The following CD82 variants were observed in gnomAD, a reference collection of about 807,000 sequenced individuals.
CD82 encodes CD82 molecule, also known as CD82 antigen.
CD82 carries 36 observed loss-of-function variants against 37.4 expected under a neutral mutation model. The observed-to-expected ratio is 0.96, with a 90% CI of 0.74 to 1.27. The LOEUF (loss-of-function observed/expected upper bound fraction) is 1.27. Among genes scored for constraint, CD82 ranks in the 50% most tolerant of loss-of-function variants. The pLI, the probability that CD82 is intolerant of heterozygous loss-of-function variation, is 0.00. For synonymous variants in CD82, 158 were observed against 137.4 expected (o/e 1.15, Z -1.05); for missense variants, 340 against 347.0 (o/e 0.98, Z 0.16).
At chr11:44,592,198 G>C (rs1853155427) in intron 2 of CD82, among the ~76,000 whole-genome samples, 1 of 152,152 alleles carries the variant, frequency 6.6e-6, no homozygotes, top group African/African-American at 2.4e-5. Context: ...GAGCTGGAAA[G>C]TGTAGAAACC....
chr11:44,574,443 T>A (rs2134620836), intron 1 of CD82, among the ~76,000 whole-genome samples: 1 of 152,314 alleles, frequency 6.6e-6, no homozygotes, highest in East Asian at 1.9e-4. Context: ...TTGTTGGAAT[T>A]ACACACAATG....
At chr11:44,615,681 T>G (rs1853554478) in intron 7 of CD82, among the ~76,000 whole-genome samples, 1 of 152,102 alleles carries the variant, frequency 6.6e-6, no homozygotes, top group South Asian at 2.1e-4. Flanking sequence ...ACTCTGGGTT[T>G]TAGGAAACTG....
rs750639035 is a variant in CD82, at chr11:44,605,472, CA to C, written c.336+44del. ...TCCCTCTTCACTGGGCTGGACCAAC[CA>C]TGGGGGTGATTGACTGAGTGTGGGG... On this transcript the variant is annotated intron_variant, in intron 6 of 9. Coordinates refer to ENST00000227155, the MANE Select transcript of CD82 (RefSeq NM_002231.4). The C allele has an allele frequency of 8.3e-6, 13 of 1,563,570 alleles. No individual in the cohort carries two copies. In the South Asian group the frequency reaches 1.3e-4, roughly 16 times the overall value.
At chr11:44,611,286 C>G (rs891543072) in intron 6 of CD82, among the ~76,000 whole-genome samples, 5 of 152,206 alleles carry the variant, frequency 3.3e-5, no homozygotes, top group African/African-American at 9.7e-5. Context: ...CAGCTGGATC[C>G]CAAAGGCTGC....
At chr11:44,571,384 A>G (rs2082053) in intron 1 of CD82, among the ~76,000 whole-genome samples, 149,218 of 152,244 alleles carry the variant, frequency 0.98, 73,213 homozygotes, top group East Asian at 1. Flanking sequence ...CTTACCAGCT[A>G]GGCGTGACTT....
chr11:44,616,944 CCTTTT>C (rs1853573004), intron 7 of CD82, among the ~76,000 whole-genome samples: 1 of 152,176 alleles, frequency 6.6e-6, no homozygotes, highest in East Asian at 1.9e-4. Flanking sequence ...GAGGTGCCAG[CCTTTT>C]CTTGGAGAGA....
At chr11:44,607,408 T>TG (rs925193325) in intron 6 of CD82, among the ~76,000 whole-genome samples, 1 of 152,172 alleles carries the variant, frequency 6.6e-6, no homozygotes, top group African/African-American at 2.4e-5. Context: ...AAAATGGTCA[T>TG]GGGGTCAGGT....
intron 1 of CD82, among the ~76,000 whole-genome samples, chr11:44,566,946 T>G (rs1490674144): frequency 6.6e-6 from 1 of 152,186 alleles, no homozygotes; most frequent in Non-Finnish European, 1.5e-5. Context: ...GTAATGTTGC[T>G]TGAGGTTGGT....
chr11:44,593,534 G>T (rs940849543), intron 2 of CD82, among the ~76,000 whole-genome samples: 2 of 152,332 alleles, frequency 1.3e-5, no homozygotes, highest in South Asian at 4.1e-4. Context: ...CTTCCTCCCG[G>T]GGCCCTCCCC....
intron 7 of CD82, among the ~76,000 whole-genome samples, 174 bp from the exon 8 acceptor site, chr11:44,617,988 G>A (rs1189336377): frequency 6.6e-6 from 1 of 152,108 alleles, no homozygotes; most frequent in Non-Finnish European, 1.5e-5. Context: ...ATTTTTGCTG[G>A]TCCTGGTTTT....
Position 44,618,623 on chromosome 11 carries a change from G to T in CD82, c.643-17G>T. ...TGGTGCAGAGCGGGGTGATGTGACC[G>T]CATTCTGCCCTTGCAGGGCTGCATG... is the stretch of plus-strand genomic sequence containing the variant. On this transcript the variant is annotated splice_polypyrimidine_tract_variant and intron_variant, in intron 8 of 9. Transcript: ENST00000227155. 1 of 1,598,282 alleles carries T rather than the reference G, an allele frequency of 6.3e-7. No individual in the cohort carries two copies. Among genetic ancestry groups the T allele is most frequent in the Admixed American group, 1.7e-5 (1 of 59,990 alleles).
At chr11:44,586,035 AC>A (rs1460544368) in intron 1 of CD82, among the ~76,000 whole-genome samples, 1 of 151,798 alleles carries the variant, frequency 6.6e-6, no homozygotes, top group Non-Finnish European at 1.5e-5. Context: ...TGTACCAGAA[AC>A]CCCAGGCCTG....
At position 44,600,147 on chromosome 11, in the gene CD82, T is replaced by A; in HGVS notation, c.64-11T>A. On this transcript the variant is annotated splice_polypyrimidine_tract_variant and intron_variant, in intron 3 of 9. Transcript: ENST00000227155. ...CTTGGCTCCCCATTAACTGCTCCCT[T>A]CTCCTTCCAGATCCTGGGCGCAGTG... 6.2e-7 allele frequency: 1 copy of A among 1,613,882 alleles called. No homozygotes were observed. Among genetic ancestry groups the A allele is most frequent in the Non-Finnish European group, 8.5e-7 (1 of 1,179,848 alleles).
At chr11:44,613,187 C>A (rs1017479855) in intron 6 of CD82, among the ~76,000 whole-genome samples, 1 of 152,212 alleles carries the variant, frequency 6.6e-6, no homozygotes, top group African/African-American at 2.4e-5. Flanking sequence ...GGCATCCCTG[C>A]CTTCTAGGGT....
chr11:44,576,500 G>A (rs760059111), intron 1 of CD82, among the ~76,000 whole-genome samples: 2 of 152,178 alleles, frequency 1.3e-5, no homozygotes, highest in African/African-American at 4.8e-5. Context: ...GGAGGGAGCC[G>A]GGATGTGGAG....
rs1354362688 is a variant in CD82 at position 44,618,721 on chromosome 11, G to A, written c.724G>A (p.Glu242Lys). ...CGTGGGCGTGGGTGTGGCCATCATC[G>A]AGGTCTGAGCCCCCTCCCCCATCCC... ...LGVGVGVAIIELLGMVLSICL... is the reference protein window; with the variant it reads ...LGVGVGVAIIKLLGMVLSICL... Residue 242 changes from glutamate (E) to lysine (K), a missense_variant and splice_region_variant, in exon 9 of 10, where the codon GAG becomes AAG. Glu to Lys is a moderately conservative substitution (Grantham distance 56). Coordinates refer to ENST00000227155, the MANE Select transcript of CD82 (RefSeq NM_002231.4). The A allele has an allele frequency of 1.6e-5, 26 of 1,612,138 alleles. No homozygotes were observed. The highest frequency in any genetic ancestry group is 1.3e-4 in the East Asian group (6 of 44,832).
intron 1 of CD82, among the ~76,000 whole-genome samples, chr11:44,576,125 T>A (rs1291074941): frequency 6.6e-6 from 1 of 152,228 alleles, no homozygotes; most frequent in Non-Finnish European, 1.5e-5. Flanking sequence ...TTCCAAGGTC[T>A]AGTGTTCTCC....
At chr11:44,600,685 G>C (rs1319110052) in intron 4 of CD82, among the ~76,000 whole-genome samples, 8 of 152,212 alleles carry the variant, frequency 5.3e-5, no homozygotes, top group Non-Finnish European at 1.0e-4. Flanking sequence ...ACGTGGGTCA[G>C]GTGTGTGCAC....
chr11:44,576,705 T>C (rs1852896730), intron 1 of CD82, among the ~76,000 whole-genome samples: 1 of 152,216 alleles, frequency 6.6e-6, no homozygotes, highest in Admixed American at 6.5e-5. Flanking sequence ...ATCTGAGTCC[T>C]CCTTTCTCAT....
Sources: allele counts gnomAD v4.1 joint callset (sites outside exome capture counted in the v4.1 genomes callset), GRCh38; gene constraint gnomAD v4.1.1; transcripts MANE v1.5; gene names NCBI Gene and HGNC (gene_info 2026-07-23, HGNC 2026-07-21).